Variants in SLC2A12 observed in about 807,000 individuals in gnomAD.
SLC2A12 encodes the protein solute carrier family 2, facilitated glucose transporter member 12.
Under a neutral mutation model 41.8 loss-of-function variants are expected in SLC2A12, and 23 were observed. That is an observed-to-expected ratio of 0.55 (90% confidence interval 0.40 to 0.78). The LOEUF is 0.78. Among genes scored for constraint, SLC2A12 ranks in the 30% least tolerant of loss-of-function variants. The pLI is 0.00. For missense variants in SLC2A12, 654 were observed against 745.6 expected (o/e 0.88, Z 1.43); for synonymous variants, 295 against 285.9 (o/e 1.03, Z -0.32).
chr6:134,036,819 C>T (rs1281839304), intron 1 of SLC2A12, among the ~76,000 whole-genome samples: 3 of 152,146 alleles, frequency 2.0e-5, no homozygotes, highest in Non-Finnish European at 4.4e-5. Context: ...GGTTTTAGCG[C>T]TATGTTTAGC....
At chr6:134,019,414 C>T (rs1425839674) in intron 2 of SLC2A12, among the ~76,000 whole-genome samples, 1 of 152,130 alleles carries the variant, frequency 6.6e-6, no homozygotes, top group Non-Finnish European at 1.5e-5. Context: ...ATCTGTGATT[C>T]TACGTTGTGA....
intron 1 of SLC2A12, among the ~76,000 whole-genome samples, chr6:134,032,779 C>CTA (rs1281795107): frequency 3.8e-5 from 4 of 105,542 alleles, no homozygotes; most frequent in Non-Finnish European, 5.4e-5. Context: ...TGTTTCACTG[C>CTA]TATATATATA....
At chr6:133,995,132 A>G (rs1407671339) in intron 4 of SLC2A12, among the ~76,000 whole-genome samples, 1 of 152,232 alleles carries the variant, frequency 6.6e-6, no homozygotes, top group East Asian at 1.9e-4. Flanking sequence ...ACGCTTTAGA[A>G]AAACTTGGCT....
rs1562202337 is a variant in SLC2A12, at chr6:134,033,903, T to C, written c.104-4182A>G. On this transcript the variant is annotated intron_variant, in intron 1 of 4. Coordinates refer to ENST00000275230, the MANE Select transcript of SLC2A12 (RefSeq NM_145176.3). The stretch of plus-strand genomic sequence containing the variant: ...TTCTCTGTCTGGAGGAAAGAGCTCC[T>C]GACAGAAGAGGGACCCAACCTCTTC... Among the ~76,000 whole-genome samples, 8 of 152,196 alleles carry C rather than the reference T, an allele frequency of 5.3e-5. 1 individual carries two copies. The South Asian group carries it at 1.7e-3, about 32-fold the overall frequency.
intron 4 of SLC2A12, among the ~76,000 whole-genome samples, chr6:133,998,739 G>A (rs951114399): frequency 7.2e-5 from 11 of 152,208 alleles, no homozygotes; most frequent in South Asian, 6.2e-4. Context: ...ATGGGGTTTC[G>A]CCATGTTTTC....
chr6:134,025,308 C>T (rs1777099407), intron 2 of SLC2A12, among the ~76,000 whole-genome samples: 1 of 152,188 alleles, frequency 6.6e-6, no homozygotes, highest in African/African-American at 2.4e-5. Flanking sequence ...TTTATTTCAG[C>T]AAGTCACTTA....
intron 1 of SLC2A12, among the ~76,000 whole-genome samples, chr6:134,044,452 G>A (rs924638538): frequency 1.3e-5 from 2 of 152,114 alleles, no homozygotes; most frequent in Non-Finnish European, 2.9e-5. Context: ...GTGGCTTCAC[G>A]CCTGTAATCC....
chr6:134,028,972 G>A lies in SLC2A12; in HGVS notation c.853C>T (p.Leu285=), dbSNP rs192971016. The A allele has an allele frequency of 6.2e-7, 1 of 1,614,206 alleles. No individual in the cohort carries two copies. Among genetic ancestry groups the A allele is most frequent in the African/African-American group, 1.3e-5 (1 of 75,050 alleles). Reference sequence around the variant, plus strand: ...CCAGTGATTTGTACAAAAAATACTAGTGTTAGTCCTATCATTATTCGGGTC... The same window carrying A: ...CCAGTGATTTGTACAAAAAATACTAATGTTAGTCCTATCATTATTCGGGTC... ...MRTRIMIGLT[L]VFFVQITGQP... Residue 285 remains leucine (L), a synonymous_variant, in exon 2 of 5, where the codon CTA becomes TTA. Coordinates refer to ENST00000275230, the MANE Select transcript of SLC2A12 (RefSeq NM_145176.3).
chr6:134,008,797 C>T (rs1276676047), intron 2 of SLC2A12, among the ~76,000 whole-genome samples: 1 of 152,194 alleles, frequency 6.6e-6, no homozygotes, highest in Non-Finnish European at 1.5e-5. Flanking sequence ...ATACCCTTTC[C>T]TGGCATGGGT....
At chr6:134,046,330 T>C (rs762526411) in intron 1 of SLC2A12, among the ~76,000 whole-genome samples, 2 of 152,238 alleles carry the variant, frequency 1.3e-5, no homozygotes, top group Non-Finnish European at 2.9e-5. Context: ...AAAATTAAAT[T>C]ACACTTGCTT....
intron 2 of SLC2A12, among the ~76,000 whole-genome samples, chr6:134,015,859 TTGTTTAAATCTA>T (rs1776954078): frequency 6.6e-6 from 1 of 152,192 alleles, no homozygotes; most frequent in Non-Finnish European, 1.5e-5. Flanking sequence ...CCAGAGTTAT[TTGTTTAAATCTA>T]AGTTTAAATT....
At chr6:134,031,426 CA>C (rs34478769) in intron 1 of SLC2A12, among the ~76,000 whole-genome samples, 1 of 151,606 alleles carries the variant, frequency 6.6e-6, no homozygotes, top group African/African-American at 2.4e-5. Context: ...AAACAACAAA[CA>C]AAAAAAACAT....
rs1777156238 is a variant in SLC2A12, at chr6:134,028,977, A to T, written c.848T>A (p.Leu283Gln). 6.2e-7 allele frequency: 1 copy of T among 1,614,124 alleles called. No homozygotes were observed. Among genetic ancestry groups the T allele is most frequent in the Admixed American group, 1.7e-5 (1 of 60,002 alleles). The change falls in exon 2 of 5, where the codon CTA becomes CAA. Residue 283 changes from leucine to glutamine, a missense_variant. By Grantham distance (113) the Leu-to-Gln change is moderately radical. This residue lies in a region of SLC2A12 where 411 missense variants were observed against 412.1 expected (regional missense o/e 1.00). Coordinates refer to ENST00000275230, the MANE Select transcript of SLC2A12 (RefSeq NM_145176.3). Reference sequence around the variant, plus strand: ...GATTTGTACAAAAAATACTAGTGTTAGTCCTATCATTATTCGGGTCCGCAT... The same window carrying T: ...GATTTGTACAAAAAATACTAGTGTTTGTCCTATCATTATTCGGGTCCGCAT... ...DNMRTRIMIG[L>Q]TLVFFVQITG...
intron 2 of SLC2A12, among the ~76,000 whole-genome samples, chr6:134,008,670 T>G (rs1464487198): frequency 6.6e-6 from 1 of 152,246 alleles, no homozygotes; most frequent in East Asian, 1.9e-4. Context: ...TAGACTGATA[T>G]CTGCATAATT....
intron 1 of SLC2A12, among the ~76,000 whole-genome samples, chr6:134,048,921 C>G (rs931037690): frequency 1.3e-5 from 2 of 152,144 alleles, no homozygotes; most frequent in African/African-American, 2.4e-5. Flanking sequence ...GTCTCTTTTA[C>G]AAGTTGACTT....
chr6:134,045,623 T>C (rs1777446973), intron 1 of SLC2A12, among the ~76,000 whole-genome samples: 1 of 152,192 alleles, frequency 6.6e-6, no homozygotes, highest in African/African-American at 2.4e-5. Flanking sequence ...TGGTAGTAAA[T>C]GATTGGTAAA....
At chr6:134,043,302 AGTGTACTGT>A in intron 1 of SLC2A12, among the ~76,000 whole-genome samples, 1 of 152,176 alleles carries the variant, frequency 6.6e-6, no homozygotes, top group South Asian at 2.1e-4. Context: ...AAACTCCTGA[AGTGTACTGT>A]GTGTGTTTGG....
At chr6:133,999,238 C>G (rs1489599614) in intron 4 of SLC2A12, among the ~76,000 whole-genome samples, 2 of 152,152 alleles carry the variant, frequency 1.3e-5, no homozygotes, top group African/African-American at 4.8e-5. Context: ...AGAGCTGAAT[C>G]TTCAAAGTTA....
At chr6:134,007,351 A>G (rs1396993228) in intron 2 of SLC2A12, among the ~76,000 whole-genome samples, 1 of 152,168 alleles carries the variant, frequency 6.6e-6, no homozygotes, top group African/African-American at 2.4e-5. Context: ...CTGTTTCCTC[A>G]GCTCTCTCCC....
Sources: allele counts gnomAD v4.1 joint callset (sites outside exome capture counted in the v4.1 genomes callset), GRCh38; gene constraint gnomAD v4.1.1; regional missense constraint gnomAD v4.1.1; transcripts MANE v1.5; gene names NCBI Gene and HGNC (gene_info 2026-07-23, HGNC 2026-07-21).